Variants in PCP4 observed in about 807,000 individuals in gnomAD.
PCP4 encodes the protein calmodulin regulator protein PCP4.
PCP4 carries 8 observed loss-of-function variants against 10.0 expected under a neutral mutation model. The ratio of observed to expected loss-of-function variants is 0.80; its 90% CI spans 0.47 to 1.45. The LOEUF is 1.45. Among genes scored for constraint, PCP4 ranks in the 40% most tolerant of loss-of-function variants. PCP4 has a pLI of 0.00. For missense variants in PCP4, 54 were observed against 74.4 expected, an observed-to-expected ratio of 0.73 and a Z score of 1.01; for synonymous variants, 21 against 23.0, an observed-to-expected ratio of 0.91 and a Z score of 0.24.
chr21:39,880,133 T>TCTATAC (rs2087366595), intron 1 of PCP4, among the ~76,000 whole-genome samples: 1 of 64,006 alleles, frequency 1.6e-5, no homozygotes, highest in Non-Finnish European at 3.0e-5. Flanking sequence ...TATATCTGTA[T>TCTATAC]CTATATCTAT....
At chr21:39,905,871 AC>A (rs2087505070) in intron 2 of PCP4, among the ~76,000 whole-genome samples, 1 of 152,072 alleles carries the variant, frequency 6.6e-6, no homozygotes, top group African/African-American at 2.4e-5. Context: ...ACACGGTGAA[AC>A]CCTGTCTCTA....
chr21:39,878,934 C>T (rs1245202520), intron 1 of PCP4, among the ~76,000 whole-genome samples: 3 of 151,962 alleles, frequency 2.0e-5, no homozygotes, highest in Non-Finnish European at 4.4e-5. Flanking sequence ...TGTTCTATAC[C>T]TCAGAAATGT....
At chr21:39,907,158 G>A (rs2087515534) in intron 2 of PCP4, among the ~76,000 whole-genome samples, 1 of 152,158 alleles carries the variant, frequency 6.6e-6, no homozygotes, top group Non-Finnish European at 1.5e-5. Context: ...TGCTGTCAGT[G>A]GGCAGAGTGG....
intron 2 of PCP4, among the ~76,000 whole-genome samples, chr21:39,898,778 T>A (rs147751772): frequency 6.4e-4 from 98 of 152,342 alleles, no homozygotes; most frequent in Middle Eastern, 6.8e-3. Flanking sequence ...ACATGGTAAT[T>A]ACAATGCAAA....
intron 2 of PCP4, among the ~76,000 whole-genome samples, chr21:39,927,403 T>C (rs2087630362): frequency 6.6e-6 from 1 of 151,752 alleles, no homozygotes; most frequent in Non-Finnish European, 1.5e-5. Flanking sequence ...ATCATCTATC[T>C]AGAGCAAGCA....
chr21:39,868,496 A>G (rs182711273), intron 1 of PCP4, among the ~76,000 whole-genome samples: 1 of 152,252 alleles, frequency 6.6e-6, no homozygotes, highest in East Asian at 1.9e-4. Context: ...AAACTTAGAA[A>G]TGGGGTTTAG....
chr21:39,889,456 A>G (rs1446197062), intron 1 of PCP4, among the ~76,000 whole-genome samples: 66 of 122,232 alleles, frequency 5.4e-4, no homozygotes, highest in African/African-American at 2.1e-3. Context: ...TTGCTCTGTC[A>G]CCCAGGCTGC....
rs1265619979 is a variant in PCP4, at chr21:39,919,080, T to TG, written c.62-9903dup. On this transcript the variant is annotated intron_variant, in intron 2 of 2. Transcript: ENST00000328619. ...GAGTATATCTTGATCCAATGTGAGGTGTAAAGGATAAAAGCAAGGTGCAAT... is the reference window on the plus strand; with the variant it reads ...GAGTATATCTTGATCCAATGTGAGGTGGTAAAGGATAAAAGCAAGGTGCAAT... Among the ~76,000 whole-genome samples, 6 of 152,296 alleles carry TG rather than the reference T, an allele frequency of 3.9e-5. No homozygotes were observed. The East Asian group carries it at 1.2e-3, about 29-fold the overall frequency.
At chr21:39,872,238 A>T (rs1242827508) in intron 1 of PCP4, among the ~76,000 whole-genome samples, 3 of 152,160 alleles carry the variant, frequency 2.0e-5, no homozygotes, top group Non-Finnish European at 4.4e-5. Context: ...ACCTCAGGTG[A>T]TCCGCCCGCC....
chr21:39,928,976 T>C lies in PCP4; in HGVS notation c.62-8T>C. On this transcript the variant is annotated splice_polypyrimidine_tract_variant and splice_region_variant and intron_variant, in intron 2 of 2. Transcript: ENST00000328619. ...GATTGCCTTCTGTTTGTGTTTGTCT[T>C]GCTACAGATGGACAGAAGAAAGTTC... The C allele has an allele frequency of 6.2e-7, 1 of 1,611,310 alleles. No individual in the cohort carries two copies. Among genetic ancestry groups the C allele is most frequent in the Middle Eastern group, 1.7e-4 (1 of 6,046 alleles).
Position 39,911,488 on chromosome 21 carries a change from T to C in PCP4, c.61+12961T>C, listed in dbSNP as rs150945122. ...AACACAAAAGAAGTGGGTGCCTCCCTCTGGTGGCAATTGGCATACATGAAA... is the reference window on the plus strand; with the variant it reads ...AACACAAAAGAAGTGGGTGCCTCCCCCTGGTGGCAATTGGCATACATGAAA... On this transcript the variant is annotated intron_variant, in intron 2 of 2. Transcript: ENST00000328619. Among the ~76,000 whole-genome samples the C allele has an allele frequency of 4.7e-3, 715 of 152,306 alleles. 10 individuals carry two copies. The highest frequency in any genetic ancestry group is 8.5e-3 in the Non-Finnish European group (577 of 68,026).
chr21:39,895,092 C>T (rs1208068033), intron 1 of PCP4, among the ~76,000 whole-genome samples: 1 of 151,944 alleles, frequency 6.6e-6, no homozygotes, highest in Non-Finnish European at 1.5e-5. Context: ...TCCACCCACC[C>T]ATCCATCCAT....
At chr21:39,878,212 T>G (rs558597555) in intron 1 of PCP4, among the ~76,000 whole-genome samples, 1 of 152,134 alleles carries the variant, frequency 6.6e-6, no homozygotes, top group African/African-American at 2.4e-5. Context: ...CCAGGATGCA[T>G]GGGTTAATTT....
chr21:39,923,700 T>G (rs2087607690), intron 2 of PCP4, among the ~76,000 whole-genome samples: 1 of 152,162 alleles, frequency 6.6e-6, no homozygotes, highest in African/African-American at 2.4e-5. Context: ...CCTTCAGCCA[T>G]CTGTGTGAAG....
chr21:39,878,627 A>G (rs538854963), intron 1 of PCP4, among the ~76,000 whole-genome samples: 1 of 152,348 alleles, frequency 6.6e-6, no homozygotes, highest in Admixed American at 6.5e-5. Context: ...AAGTGCACAC[A>G]TTGGTTGGTT....
chr21:39,904,860 A>C (rs918720723), intron 2 of PCP4, among the ~76,000 whole-genome samples: 1 of 152,204 alleles, frequency 6.6e-6, no homozygotes, highest in Admixed American at 6.5e-5. Context: ...AATAGTCCAC[A>C]TGGAAACTTA....
chr21:39,880,118 A>G (rs138063224), intron 1 of PCP4, among the ~76,000 whole-genome samples: 1,836 of 137,960 alleles, frequency 0.013, 36 homozygotes, highest in African/African-American at 0.048. Context: ...ATCTATATCT[A>G]TATCTATATC....
chr21:39,883,202 A>G (rs2087384229), intron 1 of PCP4, among the ~76,000 whole-genome samples: 1 of 152,198 alleles, frequency 6.6e-6, no homozygotes, highest in African/African-American at 2.4e-5. Flanking sequence ...AGCATCCTAC[A>G]GATCCATGGG....
intron 2 of PCP4, among the ~76,000 whole-genome samples, chr21:39,907,357 A>C (rs2087517069): frequency 1.3e-5 from 2 of 152,150 alleles, no homozygotes; most frequent in South Asian, 2.1e-4. Flanking sequence ...TCTAGCAGCC[A>C]ATCTAGAACA....
Sources: gnomAD v4.1 joint callset for allele counts (sites outside exome capture counted in the v4.1 genomes callset) on GRCh38, gnomAD v4.1.1 for gene constraint, MANE v1.5 for transcripts, NCBI Gene and HGNC (gene_info 2026-07-23, HGNC 2026-07-21) for gene names.